The following CNGA3 variants were observed in gnomAD, a reference collection of about 807,000 sequenced individuals.
CNGA3 encodes cyclic nucleotide-gated channel alpha-3.
In CNGA3, 42 loss-of-function variants were observed where a neutral mutation model predicts 46.6. The observed-to-expected ratio is 0.90, with a 90% CI of 0.70 to 1.17. The LOEUF is 1.17. Among genes scored for constraint, CNGA3 ranks in the 50% most tolerant of loss-of-function variants. The pLI is 0.00. For synonymous variants in CNGA3, 394 were observed against 369.4 expected, an observed-to-expected ratio of 1.07 and a Z score of -0.76; for missense variants, 893 against 890.7, an observed-to-expected ratio of 1.00 and a Z score of -0.03.
At chr2:98,369,434 G>C (rs187316553) in intron 1 of CNGA3, among the ~76,000 whole-genome samples, 1 of 152,028 alleles carries the variant, frequency 6.6e-6, no homozygotes, top group Non-Finnish European at 1.5e-5. Flanking sequence ...GAGATGAATC[G>C]TGTATTGGGT....
chr2:98,394,786 G>C (rs917463111), intron 7 of CNGA3, among the ~76,000 whole-genome samples: 1 of 152,166 alleles, frequency 6.6e-6, no homozygotes, highest in Non-Finnish European at 1.5e-5. Flanking sequence ...GTTAGGCTTG[G>C]GAACTGAGTC....
At chr2:98,395,369 C>A (rs1444384364) in intron 7 of CNGA3, among the ~76,000 whole-genome samples, 1 of 151,972 alleles carries the variant, frequency 6.6e-6, no homozygotes, top group South Asian at 2.1e-4. Context: ...AGGGTTTCAC[C>A]ATGTTGCCCA....
At chr2:98,361,388 C>T (rs1205120155) in intron 1 of CNGA3, among the ~76,000 whole-genome samples, 1 of 152,142 alleles carries the variant, frequency 6.6e-6, no homozygotes, top group Non-Finnish European at 1.5e-5. Flanking sequence ...GCATAGTATT[C>T]CATGGTGTAT....
intron 3 of CNGA3, 129 bp from the exon 4 acceptor site, chr2:98,380,046 C>G (rs2104204691): frequency 2.7e-6 from 3 of 1,103,774 alleles, no homozygotes; most frequent in Non-Finnish European, 4.0e-6. Flanking sequence ...TGCTGGTCAT[C>G]ATTGCTTCTG....
intron 1 of CNGA3, among the ~76,000 whole-genome samples, chr2:98,348,874 A>G (rs1180382240): frequency 6.6e-6 from 1 of 152,144 alleles, no homozygotes; most frequent in Non-Finnish European, 1.5e-5. Flanking sequence ...CCGGGTGTAA[A>G]TGGAGGTGAT....
intron 1 of CNGA3, chr2:98,350,831 C>T (rs995486957): frequency 3.3e-5 from 5 of 152,168 alleles, no homozygotes; most frequent in African/African-American, 1.2e-4. Flanking sequence ...TCCATTTGCT[C>T]TTGTTATAAA....
At chr2:98,380,504 G>T (rs1053936678) in intron 4 of CNGA3, 150 bp downstream of exon 4, 39 of 1,039,044 alleles carry the variant, frequency 3.8e-5, no homozygotes, top group Non-Finnish European at 5.3e-5. Flanking sequence ...TTGCCCTTGG[G>T]GGAGCACTAC....
At chr2:98,376,929 G>T (rs1692416397) in intron 2 of CNGA3, among the ~76,000 whole-genome samples, 1 of 152,180 alleles carries the variant, frequency 6.6e-6, no homozygotes, top group Non-Finnish European at 1.5e-5. Flanking sequence ...TGTGACTGGT[G>T]GTTGTATGGA....
chr2:98,380,031 T>C lies in CNGA3; in HGVS notation c.216-144T>C, dbSNP rs141181102. 229 of 957,722 alleles carry C rather than the reference T, an allele frequency of 2.4e-4. 2 individuals are homozygous for C. In the African/African-American group the frequency reaches 3.1e-3, roughly 13 times the overall value. The allele number at this position is 957,722 out of a possible 1,614,324, so 59.3% of individuals were successfully genotyped here. ...TAGACCACAGGGCCCCCAGCACCCG[T>C]ACCCTGCTGGTCATCATTGCTTCTG... On this transcript the variant is annotated intron_variant, in intron 3 of 7. Coordinates refer to ENST00000272602, the MANE Select transcript of CNGA3 (RefSeq NM_001298.3).
intron 7 of CNGA3, among the ~76,000 whole-genome samples, chr2:98,394,669 C>T (rs937117105): frequency 1.3e-5 from 2 of 152,078 alleles, no homozygotes; most frequent in Non-Finnish European, 2.9e-5. Context: ...GTTTCATCCA[C>T]CCTTTTCTTG....
intron 1 of CNGA3, among the ~76,000 whole-genome samples, chr2:98,364,195 T>C (rs1433463835): frequency 6.6e-6 from 1 of 152,116 alleles, no homozygotes; most frequent in Admixed American, 6.6e-5. Context: ...CTGGCCAACA[T>C]GGTGAAACCT....
intron 1 of CNGA3, among the ~76,000 whole-genome samples, chr2:98,367,167 G>GTTTTTTTTTTT (rs1553447811): frequency 9.8e-6 from 1 of 101,584 alleles, no homozygotes; most frequent in African/African-American, 3.3e-5. Context: ...GACATCAGCT[G>GTTTTTTTTTTT]TTTTTTTTCT....
chr2:98,368,512 T>C (rs1191816628), intron 1 of CNGA3, among the ~76,000 whole-genome samples: 1 of 152,216 alleles, frequency 6.6e-6, no homozygotes, highest in East Asian at 1.9e-4. Flanking sequence ...TAGGCTTTCT[T>C]TTCAATCACA....
intron 3 of CNGA3, chr2:98,378,121 A>G: frequency 2.6e-6 from 4 of 1,550,836 alleles, no homozygotes; most frequent in Non-Finnish European, 3.5e-6. Context: ...GCCGTGGGAG[A>G]CCTTTGATTG....
At chr2:98,389,918 T>A in intron 6 of CNGA3, 144 bp downstream of exon 6, 2 of 630,048 alleles carry the variant, frequency 3.2e-6, no homozygotes, top group Non-Finnish European at 5.6e-6. Flanking sequence ...CGGTTTCTCC[T>A]TTTAAAAATA....
chr2:98,352,861 C>T (rs1460975678), intron 1 of CNGA3, among the ~76,000 whole-genome samples: 6 of 152,184 alleles, frequency 3.9e-5, no homozygotes, highest in Admixed American at 3.3e-4. Context: ...AGCTCATGGG[C>T]TTCTCAGCCT....
At chr2:98,347,040 G>T (rs559733036) in intron 1 of CNGA3, 1 of 152,276 alleles carries the variant, frequency 6.6e-6, no homozygotes, top group Non-Finnish European at 1.5e-5. Context: ...GGGAGCGGGC[G>T]CCGCGTCTTC....
intron 1 of CNGA3, among the ~76,000 whole-genome samples, chr2:98,365,447 G>A (rs939779310): frequency 2.6e-4 from 40 of 152,100 alleles, no homozygotes; most frequent in African/African-American, 8.9e-4. Context: ...TTTGAATGTT[G>A]GCTTGTCTTG....
intron 1 of CNGA3, among the ~76,000 whole-genome samples, chr2:98,348,551 G>C (rs1028657993): frequency 3.3e-5 from 5 of 152,086 alleles, no homozygotes; most frequent in Non-Finnish European, 7.4e-5. Flanking sequence ...ACCCTTCTCC[G>C]TCCCGCCCTC....
Sources: gnomAD v4.1 joint callset for allele counts (sites outside exome capture counted in the v4.1 genomes callset) on GRCh38, gnomAD v4.1.1 for gene constraint, MANE v1.5 for transcripts, NCBI Gene and HGNC (gene_info 2026-07-23, HGNC 2026-07-21) for gene names.